Variants in PI4KA observed in about 807,000 individuals in gnomAD.
PI4KA encodes phosphatidylinositol 4-kinase alpha.
Under a neutral mutation model 271.4 loss-of-function variants are expected in PI4KA, and 122 were observed. The observed-to-expected ratio is 0.45, with a 90% CI of 0.39 to 0.52. PI4KA has a LOEUF of 0.52. Ranked by LOEUF, PI4KA falls within the 20% of genes least tolerant of loss-of-function variation. The probability of loss-of-function intolerance (pLI) is 0.00; values close to 1 mark genes in which losing one functional copy is unlikely to be tolerated. For missense variants in PI4KA, 1,969 were observed against 2,769.1 expected, an observed-to-expected ratio of 0.71 and a Z score of 6.48; for synonymous variants, 1,041 against 1,078.8, an observed-to-expected ratio of 0.96 and a Z score of 0.69.
intron 19 of PI4KA, among the ~76,000 whole-genome samples, chr22:20,767,204 A>G (rs1932613613): frequency 6.6e-6 from 1 of 152,180 alleles, no homozygotes; most frequent in Non-Finnish European, 1.5e-5. Flanking sequence ...GCACTTTGGG[A>G]GGCCGAGGCA....
intron 23 of PI4KA, among the ~76,000 whole-genome samples, chr22:20,760,621 C>A (rs1931863204): frequency 6.6e-6 from 1 of 152,192 alleles, no homozygotes; most frequent in Non-Finnish European, 1.5e-5. Flanking sequence ...ATCTAGAGGA[C>A]ACTTCCATCA....
Position 20,793,255 on chromosome 22 carries a change from C to G in PI4KA, c.2278-12G>C. ...GCACTGCTAGAAGCCTAGAAAAGAA[C>G]AGAATTATTGTCATTAACGAGTATG... On this transcript the variant is annotated splice_polypyrimidine_tract_variant and intron_variant, in intron 18 of 54. Transcript: ENST00000255882. 6.6e-7 allele frequency: 1 copy of G among 1,504,662 alleles called. No individual in the cohort carries two copies. Among genetic ancestry groups the G allele is most frequent in the East Asian group, 2.3e-5 (1 of 44,280 alleles). 93.2% of individuals were successfully genotyped at this position (1,504,662 alleles called of 1,614,324 possible).
intron 7 of PI4KA, among the ~76,000 whole-genome samples, chr22:20,815,360 A>T (rs1304170703): frequency 2.7e-5 from 4 of 145,842 alleles, no homozygotes; most frequent in Admixed American, 2.1e-4. Context: ...CATTCTGGTG[A>T]CAGTAGGAGA....
intron 42 of PI4KA, chr22:20,725,323 A>G (rs932883895): frequency 2.6e-5 from 5 of 195,376 alleles, no homozygotes; most frequent in African/African-American, 1.2e-4. Flanking sequence ...GGCTGTGGTC[A>G]TTCCCATGGA....
Position 20,707,889 on chromosome 22 carries a change from C to A in PI4KA, c.*158G>T. 2 of 758,060 alleles carry A rather than the reference C, an allele frequency of 2.6e-6. No homozygotes were observed. Among genetic ancestry groups the A allele is most frequent in the Admixed American group, 1.8e-5 (1 of 56,056 alleles). 47.0% of individuals were successfully genotyped at this position (758,060 alleles called of 1,614,324 possible). ...GCAGTCCATGGCGTTACCAAGGCTG[C>A]GCCACCCACGTGCTGCCCCAGGAGG... On this transcript the variant is annotated 3_prime_UTR_variant, in exon 55 of 55. Transcript: ENST00000255882.
At chr22:20,757,084 G>A (rs1177513108) in intron 23 of PI4KA, among the ~76,000 whole-genome samples, 2 of 152,194 alleles carry the variant, frequency 1.3e-5, no homozygotes, top group Admixed American at 6.5e-5. Flanking sequence ...CATAACAGAG[G>A]CTCATCTTAT....
chr22:20,732,283 G>A (rs898752607), intron 36 of PI4KA, among the ~76,000 whole-genome samples: 3 of 152,234 alleles, frequency 2.0e-5, no homozygotes, highest in African/African-American at 7.2e-5. Flanking sequence ...AGGAGGCTGA[G>A]GCAGGAGAAT....
intron 43 of PI4KA, among the ~76,000 whole-genome samples, chr22:20,719,595 C>T (rs935807286): frequency 6.6e-6 from 1 of 152,012 alleles, no homozygotes; most frequent in Non-Finnish European, 1.5e-5. Context: ...TGACAGACAA[C>T]ATATAGCTAT....
chr22:20,842,805 ACT>A (rs2147789882), intron 1 of PI4KA, among the ~76,000 whole-genome samples: 1 of 125,652 alleles, frequency 8.0e-6, no homozygotes, highest in African/African-American at 3.1e-5. Flanking sequence ...ACAGAGCAAG[ACT>A]CTGTCTCAAA....
intron 19 of PI4KA, among the ~76,000 whole-genome samples, chr22:20,777,184 G>A (rs926959093): frequency 1.1e-4 from 16 of 151,716 alleles, no homozygotes; most frequent in African/African-American, 3.4e-4. Context: ...GACCACAGGC[G>A]TGTGCCATCA....
chr22:20,784,208 C>G (rs17853377), intron 19 of PI4KA: 1 of 1,613,988 alleles, frequency 6.2e-7, no homozygotes, highest in Non-Finnish European at 8.5e-7. Context: ...ACTGACACCC[C>G]GGGTGGTGGA....
intron 25 of PI4KA, among the ~76,000 whole-genome samples, 199 bp downstream of exon 25, chr22:20,752,704 G>C (rs2147334745): frequency 6.6e-6 from 1 of 152,318 alleles, no homozygotes; most frequent in African/African-American, 2.4e-5. Context: ...AGCTCAGAAT[G>C]AACAGAAGTT....
At position 20,802,068 on chromosome 22, in the gene PI4KA, C is replaced by G. The variant is rs748690267; in HGVS notation, c.1629G>C (p.Glu543Asp). 1 of 1,614,008 alleles carries G rather than the reference C, an allele frequency of 6.2e-7. No individual in the cohort carries two copies. Among genetic ancestry groups the G allele is most frequent in the Non-Finnish European group, 8.5e-7 (1 of 1,179,934 alleles). Residue 543 changes from glutamate to aspartate, a missense_variant, in exon 14 of 55, where the codon GAG becomes GAC. Coordinates refer to ENST00000255882, the MANE Select transcript of PI4KA (RefSeq NM_058004.4). ...TGACGTTCAGGGTTGACTCGGAATG[C>G]TCATTGGTCACACTGATTTTTATAT... ...GNDIKISVTN[E>D]HSESTLNVMS...
Position 20,824,332 on chromosome 22 carries a change from C to T in PI4KA, c.450G>A (p.Arg150=), listed in dbSNP as rs369037415. 6.2e-7 allele frequency: 1 copy of T among 1,605,894 alleles called. No homozygotes were observed. The highest frequency in any genetic ancestry group is 2.2e-5 in the East Asian group (1 of 44,830). The stretch of plus-strand genomic sequence containing the variant: ...TCAACCAACACATGCTTACCTCATC[C>T]CTAAGTGAAGGATCCCTATAGGCCA... ...SDVAYRDPSL[R]DEILEVLLQV... is the part of the protein sequence containing the mutation. Residue 150 remains arginine (R), a synonymous_variant, in exon 4 of 55, where the codon AGG becomes AGA. Coordinates refer to ENST00000255882, the MANE Select transcript of PI4KA (RefSeq NM_058004.4).
intron 23 of PI4KA, among the ~76,000 whole-genome samples, chr22:20,757,275 T>A (rs1353067527): frequency 1.3e-5 from 2 of 152,244 alleles, no homozygotes; most frequent in Non-Finnish European, 2.9e-5. Flanking sequence ...TAGCTGTACA[T>A]TTACTGGCTA....
chr22:20,761,225 A>C, intron 23 of PI4KA, 79 bp downstream of exon 23: 1 of 809,668 alleles, frequency 1.2e-6, no homozygotes. Flanking sequence ...CTACATGTAG[A>C]CAGAAAAGAG....
At chr22:20,782,082 G>C (rs1487954985) in intron 19 of PI4KA, among the ~76,000 whole-genome samples, 1 of 152,188 alleles carries the variant, frequency 6.6e-6, no homozygotes, top group Non-Finnish European at 1.5e-5. Context: ...CTATGTTTAG[G>C]ACTGACTTTA....
intron 32 of PI4KA, among the ~76,000 whole-genome samples, chr22:20,739,475 A>G: frequency 6.6e-6 from 1 of 151,780 alleles, no homozygotes; most frequent in Admixed American, 6.6e-5. Context: ...TCAGGAAAAA[A>G]AAAAAAACAA....
At chr22:20,832,415 G>A (rs762423175) in intron 3 of PI4KA, among the ~76,000 whole-genome samples, 12 of 151,364 alleles carry the variant, frequency 7.9e-5, no homozygotes, top group Non-Finnish European at 1.5e-4. Context: ...GCGCCCAGCC[G>A]AAATTCTTGA....
Sources: gnomAD v4.1 joint callset for allele counts (sites outside exome capture counted in the v4.1 genomes callset) on GRCh38, gnomAD v4.1.1 for gene constraint, MANE v1.5 for transcripts, NCBI Gene and HGNC (gene_info 2026-07-23, HGNC 2026-07-21) for gene names.